MUCL1: variants seen among roughly 807,000 people sequenced by gnomAD.
MUCL1 encodes the protein mucin like 1, also known as mucin-like protein 1.
A neutral mutation model predicts 9.2 loss-of-function variants in MUCL1; 11 were observed. The observed-to-expected ratio is 1.19, with a 90% CI of 0.75 to 1.97. The LOEUF (loss-of-function observed/expected upper bound fraction) is 1.97. Ranked by LOEUF, MUCL1 falls within the 30% of genes most tolerant of loss-of-function variation. MUCL1 has a pLI of 0.00. For synonymous variants in MUCL1, 48 were observed against 40.5 expected, an observed-to-expected ratio of 1.19 and a Z score of -0.71; for missense variants, 144 against 110.9, an observed-to-expected ratio of 1.30 and a Z score of -1.34.
chr12:54,854,249 G>A (rs1312100834), upstream of MUCL1, among the ~76,000 whole-genome samples: 1 of 152,198 alleles, frequency 6.6e-6, no homozygotes, highest in African/African-American at 2.4e-5. Context: ...TGGTAATTAT[G>A]GAGACACTAT....
chr12:54,833,250 G>A (rs1959187739), intron 1 of MUCL1, among the ~76,000 whole-genome samples: 2 of 151,946 alleles, frequency 1.3e-5, no homozygotes, highest in Admixed American at 1.3e-4. Context: ...GTTGAGTTTT[G>A]CATCGAATAT....
intron 1 of MUCL1, among the ~76,000 whole-genome samples, chr12:54,832,124 CA>C (rs1182358876): frequency 6.6e-6 from 1 of 151,810 alleles, no homozygotes; most frequent in Non-Finnish European, 1.5e-5. Flanking sequence ...AAATATAGAG[CA>C]AAAACTAAAG....
At chr12:54,852,643 GC>G (rs1373153523), upstream of MUCL1, among the ~76,000 whole-genome samples, 15 of 152,064 alleles carry the variant, frequency 9.9e-5, no homozygotes, top group Admixed American at 6.6e-5. Flanking sequence ...TTCTTAGCAA[GC>G]CAGTCATTGT....
chr12:54,838,840 A>G (rs7958024), upstream of MUCL1, among the ~76,000 whole-genome samples: 1 of 151,384 alleles, frequency 6.6e-6, no homozygotes, highest in African/African-American at 2.4e-5. Context: ...TTGTTTTTTA[A>G]ATTTCTTTAT....
rs1481345506 is a variant in MUCL1, at chr12:54,856,890, C to T, written c.221C>T (p.Pro74Leu). The T allele has an allele frequency of 2.0e-5, 32 of 1,613,716 alleles. No homozygotes were observed. The highest frequency in any genetic ancestry group is 2.5e-5 in the Non-Finnish European group (30 of 1,179,784). The change falls in exon 3 of 4, where the codon CCA becomes CTA. Residue 74 changes from proline (P) to leucine (L), a missense_variant and splice_region_variant. By Grantham distance (98) the Pro-to-Leu change is moderately conservative. Coordinates refer to ENST00000308796, the MANE Select transcript of MUCL1 (RefSeq NM_058173.3). ...TCTACCACTGCTCGTAAAGACATTC[C>T]AGGTAGCAAGACTCCTCCATCTGTG... ...AASTTARKDI[P>L]VLPKWVGDLP...
chr12:54,856,164 G>A (rs889414569), intron 2 of MUCL1, among the ~76,000 whole-genome samples: 1 of 152,134 alleles, frequency 6.6e-6, no homozygotes, highest in Non-Finnish European at 1.5e-5. Context: ...TATCTAATGT[G>A]GCTCTCACAA....
intron 1 of MUCL1, among the ~76,000 whole-genome samples, chr12:54,834,320 T>G (rs1463634574): frequency 1.3e-5 from 2 of 152,132 alleles, no homozygotes; most frequent in Non-Finnish European, 2.9e-5. Flanking sequence ...CCTATCAGCA[T>G]TTTTAAACTA....
chr12:54,854,561 C>G lies in MUCL1; in HGVS notation c.-22C>G. 1 of 1,609,274 alleles carries G rather than the reference C, an allele frequency of 6.2e-7. No homozygotes were observed. Among genetic ancestry groups the G allele is most frequent in the South Asian group, 1.1e-5 (1 of 90,482 alleles). On this transcript the variant is annotated 5_prime_UTR_variant, in exon 1 of 4. Coordinates refer to ENST00000308796, the MANE Select transcript of MUCL1 (RefSeq NM_058173.3). ...GCTTTGAAGCATTTTTGTCTGTGCT[C>G]CCTGATCTTCAGGTCACCACCATGA... is the stretch of plus-strand genomic sequence containing the variant.
intron 3 of MUCL1, 113 bp from the exon 4 acceptor site, chr12:54,858,080 C>A (rs1868314004): frequency 1.6e-6 from 2 of 1,257,244 alleles, no homozygotes; most frequent in East Asian, 2.3e-5. Context: ...CCTTTCGAAT[C>A]CCCTGAGTTT....
chr12:54,843,150 T>G (rs1696092670), intron 1 of MUCL1, among the ~76,000 whole-genome samples: 1 of 152,172 alleles, frequency 6.6e-6, no homozygotes, highest in Admixed American at 6.5e-5. Flanking sequence ...AATCACCTAA[T>G]GATGTATTTC....
At position 54,856,657 on chromosome 12, in the gene MUCL1, G is replaced by T. The variant is rs1868301661; in HGVS notation, c.101-113G>T. On this transcript the variant is annotated intron_variant, in intron 2 of 3. Transcript: ENST00000308796. ...AGGCTAAAGGTAAGACAGAACTGATGACAGATTTGCAGAGATGAATTCAGG... is the reference window on the plus strand; with the variant it reads ...AGGCTAAAGGTAAGACAGAACTGATTACAGATTTGCAGAGATGAATTCAGG... 4 of 1,394,014 alleles carry T rather than the reference G, an allele frequency of 2.9e-6. No individual in the cohort carries two copies. The South Asian group carries it at 4.0e-5, about 14-fold the overall frequency. The allele number at this position is 1,394,014 out of a possible 1,614,324, so 86.4% of individuals were successfully genotyped here.
rs1270637081 is a variant in MUCL1, at chr12:54,858,281, T to A, written c.*39T>A. On this transcript the variant is annotated 3_prime_UTR_variant, in exon 4 of 4. Transcript: ENST00000308796. ...TGAGTCTTCTGCAATTGGTCACAAC[T>A]ATTCATGCTTCCTGTGATTTCATCC... 6.2e-7 allele frequency: 1 copy of A among 1,611,178 alleles called. No individual in the cohort carries two copies. The highest frequency in any genetic ancestry group is 1.3e-5 in the African/African-American group (1 of 74,840).
At chr12:54,856,047 T>TAG (rs1307179113) in intron 2 of MUCL1, among the ~76,000 whole-genome samples, 1 of 152,136 alleles carries the variant, frequency 6.6e-6, no homozygotes, top group Non-Finnish European at 1.5e-5. Flanking sequence ...GTGTAAGGTC[T>TAG]AGAGAGAGAG....
upstream of MUCL1, among the ~76,000 whole-genome samples, chr12:54,835,583 C>T (rs935070935): frequency 5.6e-5 from 8 of 142,420 alleles, no homozygotes; most frequent in East Asian, 4.1e-4. Flanking sequence ...ATTCGTGTCA[C>T]GTGTCCACTT....
At chr12:54,841,070 G>A (rs573552246) in intron 1 of MUCL1, among the ~76,000 whole-genome samples, 17 of 151,932 alleles carry the variant, frequency 1.1e-4, no homozygotes, top group Admixed American at 2.6e-4. Flanking sequence ...CTACATGTAA[G>A]TGAGATCATG....
At chr12:54,838,651 A>T (rs1427186388), upstream of MUCL1, among the ~76,000 whole-genome samples, 1 of 151,202 alleles carries the variant, frequency 6.6e-6, no homozygotes, top group Non-Finnish European at 1.5e-5. Context: ...ATTTTTTCTG[A>T]TTGAGTTAAT....
intron 1 of MUCL1, among the ~76,000 whole-genome samples, chr12:54,840,051 C>T (rs912185301): frequency 6.6e-6 from 1 of 152,128 alleles, no homozygotes; most frequent in African/African-American, 2.4e-5. Context: ...AAGTAAGAGT[C>T]CCTGAGGGTC....
At chr12:54,851,520 G>A (rs1959339688), upstream of MUCL1, among the ~76,000 whole-genome samples, 1 of 152,086 alleles carries the variant, frequency 6.6e-6, no homozygotes, top group Admixed American at 6.6e-5. Context: ...AAAATAATTA[G>A]AGCTATCTAC....
At chr12:54,839,734 C>T (rs1463884036) in intron 1 of MUCL1, among the ~76,000 whole-genome samples, 1 of 152,148 alleles carries the variant, frequency 6.6e-6, no homozygotes, top group Non-Finnish European at 1.5e-5. Flanking sequence ...CTGGAGGGCA[C>T]TCCTTGTGTG....
Sources: allele counts gnomAD v4.1 joint callset (sites outside exome capture counted in the v4.1 genomes callset), GRCh38; gene constraint gnomAD v4.1.1; transcripts MANE v1.5; gene names NCBI Gene and HGNC (gene_info 2026-07-23, HGNC 2026-07-21).